CRK: variants seen among roughly 807,000 people sequenced by gnomAD.
CRK encodes adapter molecule crk.
In CRK, 4 loss-of-function variants were observed where a neutral mutation model predicts 29.8. The ratio of observed to expected loss-of-function variants is 0.13; its 90% CI spans 0.07 to 0.31. The LOEUF (loss-of-function observed/expected upper bound fraction) is 0.31. CRK is among the 10% of genes least tolerant of loss of function. CRK has a pLI of 1.00. For missense variants in CRK, 274 were observed against 396.5 expected (o/e 0.69, Z 2.62); for synonymous variants, 153 against 164.9 (o/e 0.93, Z 0.55).
chr17:1,444,989 A>T (rs2073963317), intron 1 of CRK, among the ~76,000 whole-genome samples: 1 of 151,686 alleles, frequency 6.6e-6, no homozygotes, highest in African/African-American at 2.4e-5. Flanking sequence ...TCTACTAAAA[A>T]TACAAAAAAT....
At chr17:1,423,690 A>G (rs1442624855) in intron 2 of CRK, 40 bp from the exon 3 acceptor site, 1 of 1,609,740 alleles carries the variant, frequency 6.2e-7, no homozygotes, top group Non-Finnish European at 8.5e-7. Context: ...ATTTCCAGGT[A>G]GGAATGCAAG....
rs1470718557 is a variant in CRK at position 1,421,584 on chromosome 17, A to C, written c.*1929T>G. 1.3e-5 allele frequency: 2 copies of C among 152,188 alleles called. No individual in the cohort carries two copies. The highest frequency in any genetic ancestry group is 2.9e-5 in the Non-Finnish European group (2 of 68,048). The allele number at this position is 152,188 out of a possible 1,614,324, so 9.4% of individuals were successfully genotyped here. On this transcript the variant is annotated 3_prime_UTR_variant, in exon 3 of 3. Coordinates refer to ENST00000300574, the MANE Select transcript of CRK (RefSeq NM_016823.4). ...AGTGTGAGGTAAAATACATTAAATTAGCGTCAACGCGTTAGTCTGCTTGCG... is the reference window on the plus strand; with the variant it reads ...AGTGTGAGGTAAAATACATTAAATTCGCGTCAACGCGTTAGTCTGCTTGCG...
chr17:1,450,700 G>C (rs920725439), intron 1 of CRK, among the ~76,000 whole-genome samples: 1 of 151,816 alleles, frequency 6.6e-6, no homozygotes, highest in Non-Finnish European at 1.5e-5. Context: ...CCTGGACAAC[G>C]TGGCAAAACC....
chr17:1,445,767 G>C (rs996292702), intron 1 of CRK, among the ~76,000 whole-genome samples: 1 of 152,164 alleles, frequency 6.6e-6, no homozygotes, highest in Non-Finnish European at 1.5e-5. Context: ...GGGCAGAGTG[G>C]TAAGGAGGCC....
At position 1,436,745 on chromosome 17, in the gene CRK, G is replaced by C; in HGVS notation, c.652C>G (p.Pro218Ala). ...SHPQPLGGPE[P>A]GPYAQPSVNT... ...ACGCTGGGTTGGGCATAGGGCCCAGGCTCCGGCCCACCCAGTGGCTGTGGG... is the reference window on the plus strand; with the variant it reads ...ACGCTGGGTTGGGCATAGGGCCCAGCCTCCGGCCCACCCAGTGGCTGTGGG... The change falls in exon 2 of 3, where the codon CCT becomes GCT. Residue 218 changes from proline (P) to alanine (A), a missense_variant. By Grantham distance (27) the Pro-to-Ala change is conservative. This residue lies in a region of CRK where 121 missense variants were observed against 154.3 expected (regional missense o/e 0.78). Transcript: ENST00000300574. The C allele has an allele frequency of 1.9e-6, 3 of 1,596,164 alleles. No individual in the cohort carries two copies. Among genetic ancestry groups the C allele is most frequent in the Non-Finnish European group, 2.6e-6 (3 of 1,172,916 alleles).
intron 1 of CRK, among the ~76,000 whole-genome samples, chr17:1,445,393 T>G (rs1245818533): frequency 6.6e-6 from 1 of 152,108 alleles, no homozygotes; most frequent in Non-Finnish European, 1.5e-5. Flanking sequence ...ACTGGCTGTC[T>G]CTCCAATTTA....
chr17:1,431,823 C>T (rs1458320642), intron 2 of CRK, among the ~76,000 whole-genome samples: 12 of 152,114 alleles, frequency 7.9e-5, no homozygotes, highest in Admixed American at 7.9e-4. Flanking sequence ...AAGGTGAAAC[C>T]GAGTGCTTGC....
Position 1,436,707 on chromosome 17 carries a change from G to C in CRK, c.690C>G (p.Leu230=). ...PYAQPSVNTP[L]PNLQNGPIYA... is the part of the protein sequence containing the mutation. ...ATATGGGCCCATTCTGGAGGTTAGG[G>C]AGCGGAGTGTTGACGCTGGGTTGGG... is the stretch of plus-strand genomic sequence containing the variant. The change falls in exon 2 of 3, where the codon CTC becomes CTG. Residue 230 remains leucine (L), a synonymous_variant. Transcript: ENST00000300574. 1 of 1,611,542 alleles carries C rather than the reference G, an allele frequency of 6.2e-7. No homozygotes were observed. The highest frequency in any genetic ancestry group is 8.5e-7 in the Non-Finnish European group (1 of 1,179,028).
chr17:1,427,167 T>C (rs1305615978), intron 2 of CRK, among the ~76,000 whole-genome samples: 1 of 147,376 alleles, frequency 6.8e-6, no homozygotes, highest in African/African-American at 2.5e-5. Context: ...CGTATGCACC[T>C]GTAGTTCCAG....
Position 1,436,950 on chromosome 17 carries a change from T to G in CRK, c.447A>C (p.Glu149Asp). 1 of 1,614,178 alleles carries G rather than the reference T, an allele frequency of 6.2e-7. No individual in the cohort carries two copies. The highest frequency in any genetic ancestry group is 1.1e-5 in the South Asian group (1 of 91,080). Reference protein sequence around the residue: ...ALFDFNGNDEEDLPFKKGDIL... With the variant: ...ALFDFNGNDEDDLPFKKGDIL... ...TGTCTCCTTTCTTAAAGGGAAGATC[T>G]TCCTCATCATTCCCATTAAAGTCAA... The change falls in exon 2 of 3, where the codon GAA becomes GAC. Residue 149 changes from glutamate (E) to aspartate (D), a missense_variant. Glu to Asp is a conservative substitution (Grantham distance 45). Around this residue, in one of 3 missense-constraint regions of CRK, gnomAD observed 18 missense variants for 61.3 expected, o/e 0.29. Coordinates refer to ENST00000300574, the MANE Select transcript of CRK (RefSeq NM_016823.4).
chr17:1,430,806 G>C (rs1430871674), intron 2 of CRK, among the ~76,000 whole-genome samples: 1 of 151,278 alleles, frequency 6.6e-6, no homozygotes, highest in Non-Finnish European at 1.5e-5. Context: ...TGTGGCTCAT[G>C]CCTGTAATCC....
chr17:1,455,788 G>C (rs1027773301), intron 1 of CRK, 89 bp downstream of exon 1: 2 of 1,386,624 alleles, frequency 1.4e-6, no homozygotes, highest in East Asian at 3.0e-5. Flanking sequence ...CACGACCCCC[G>C]AGGGTCCGCT....
chr17:1,435,636 T>C (rs546387207), intron 2 of CRK, among the ~76,000 whole-genome samples: 10 of 152,148 alleles, frequency 6.6e-5, no homozygotes, highest in African/African-American at 1.9e-4. Context: ...ATACATTCCA[T>C]TTCTCATTCA....
At chr17:1,454,160 C>T (rs2074038949) in intron 1 of CRK, among the ~76,000 whole-genome samples, 1 of 151,670 alleles carries the variant, frequency 6.6e-6, no homozygotes, top group South Asian at 2.1e-4. Context: ...CAAGATCGCG[C>T]CACTGCACTC....
chr17:1,450,092 C>T (rs1598305451), intron 1 of CRK, among the ~76,000 whole-genome samples: 1 of 152,148 alleles, frequency 6.6e-6, no homozygotes, highest in East Asian at 1.9e-4. Flanking sequence ...ATCCCAGCTA[C>T]CTACTCAAGA....
intron 2 of CRK, among the ~76,000 whole-genome samples, chr17:1,427,259 C>T (rs1208612255): frequency 1.3e-5 from 2 of 149,718 alleles, no homozygotes; most frequent in African/African-American, 4.9e-5. Context: ...CTGCACCCCA[C>T]CCTGGTGGAG....
chr17:1,431,554 T>C (rs1480379399), intron 2 of CRK, among the ~76,000 whole-genome samples: 1 of 151,732 alleles, frequency 6.6e-6, no homozygotes. Flanking sequence ...ACCCCATCTC[T>C]ACTAAAAATA....
At chr17:1,442,606 CTTTT>C (rs33970272) in intron 1 of CRK, among the ~76,000 whole-genome samples, 3 of 121,126 alleles carry the variant, frequency 2.5e-5, no homozygotes, top group Non-Finnish European at 3.3e-5. Flanking sequence ...GTGAAAGGGT[CTTTT>C]TTTTTTTTTT....
chr17:1,443,949 C>T (rs1375246014), intron 1 of CRK, among the ~76,000 whole-genome samples: 1 of 151,836 alleles, frequency 6.6e-6, no homozygotes, highest in African/African-American at 2.4e-5. Context: ...ATCCGCCCGC[C>T]TCGGCCTCCC....
Sources: gnomAD v4.1 joint callset for allele counts (sites outside exome capture counted in the v4.1 genomes callset) on GRCh38, gnomAD v4.1.1 for gene constraint, gnomAD v4.1.1 regional missense constraint, MANE v1.5 for transcripts, NCBI Gene and HGNC (gene_info 2026-07-23, HGNC 2026-07-21) for gene names.